SHTN1: variants seen among roughly 807,000 people sequenced by gnomAD.
SHTN1 encodes shootin-1.
Under a neutral mutation model 83.1 loss-of-function variants are expected in SHTN1, and 42 were observed. The ratio of observed to expected loss-of-function variants is 0.51; its 90% confidence interval spans 0.39 to 0.65. The LOEUF is 0.65. SHTN1 is among the 30% of genes least tolerant of loss of function. The probability of loss-of-function intolerance (pLI) is 0.00; values close to 1 mark genes in which losing one functional copy is unlikely to be tolerated. For missense variants in SHTN1, 622 were observed against 737.8 expected, an observed-to-expected ratio of 0.84 and a Z score of 1.82; for synonymous variants, 224 against 247.7, an observed-to-expected ratio of 0.90 and a Z score of 0.90.
chr10:116,972,899 T>C (rs1850668375), intron 2 of SHTN1, among the ~76,000 whole-genome samples: 1 of 152,214 alleles, frequency 6.6e-6, no homozygotes, highest in African/African-American at 2.4e-5. Flanking sequence ...TTGCTGGTTT[T>C]GAAAGCCCTT....
At chr10:116,967,680 G>A (rs575804487) in intron 3 of SHTN1, among the ~76,000 whole-genome samples, 1 of 152,218 alleles carries the variant, frequency 6.6e-6, no homozygotes, top group Admixed American at 6.5e-5. Flanking sequence ...ATTAGCTATA[G>A]GCACAATGCT....
chr10:117,029,315 G>A (rs1234902587), intron 2 of SHTN1, among the ~76,000 whole-genome samples: 1 of 152,170 alleles, frequency 6.6e-6, no homozygotes, highest in Non-Finnish European at 1.5e-5. Flanking sequence ...TGATTTTACA[G>A]GCTTATATGG....
At chr10:117,010,200 G>T (rs985237507), upstream of SHTN1, among the ~76,000 whole-genome samples, 2 of 148,526 alleles carry the variant, frequency 1.3e-5, no homozygotes, top group South Asian at 2.2e-4. Flanking sequence ...AGAAAAAAAA[G>T]AAATATGAAA....
rs1235514750 is a variant in SHTN1 at position 116,885,095 on chromosome 10, C to T, written c.*1249G>A. On this transcript the variant is annotated 3_prime_UTR_variant, in exon 17 of 17. Coordinates refer to ENST00000355371, the MANE Select transcript of SHTN1 (RefSeq NM_001127211.3). ...ACATGTACCTGCCTACCCACCTCTT[C>T]AAGCCTATGCTTACCACACGTGCAA... is the stretch of plus-strand genomic sequence containing the variant. The T allele has an allele frequency of 1.3e-5, 2 of 152,642 alleles. No individual in the cohort carries two copies. The highest frequency in any genetic ancestry group is 3.8e-4 in the East Asian group (2 of 5,196). The allele number at this position is 152,642 out of a possible 1,614,324, so 9.5% of individuals were successfully genotyped here.
chr10:117,109,865 A>G (rs1295710190), intron 1 of SHTN1, among the ~76,000 whole-genome samples: 1 of 152,106 alleles, frequency 6.6e-6, no homozygotes, highest in Non-Finnish European at 1.5e-5. Flanking sequence ...AAAACACAAA[A>G]ATAAACACAA....
At chr10:116,986,250 C>T (rs1460238083) in intron 1 of SHTN1, among the ~76,000 whole-genome samples, 1 of 152,176 alleles carries the variant, frequency 6.6e-6, no homozygotes, top group Non-Finnish European at 1.5e-5. Context: ...ATCAACAACT[C>T]TTCCTAAGAT....
chr10:116,921,434 T>C lies in SHTN1; in HGVS notation c.1195A>G (p.Thr399Ala). Residue 399 changes from threonine to alanine, a missense_variant and splice_region_variant, in exon 12 of 17, where the codon ACT becomes GCT. Coordinates refer to ENST00000355371, the MANE Select transcript of SHTN1 (RefSeq NM_001127211.3). ...TTACACCAATAGAAGTGATGCTTAC[T>C]TGTTTCTGGTTGAGTTGCCTTTTCT... ...KKEKATQPETTEEVTDLKRQA... is the reference protein window; with the variant it reads ...KKEKATQPETAEEVTDLKRQA... The C allele has an allele frequency of 6.2e-7, 1 of 1,611,412 alleles. No individual in the cohort carries two copies. Among genetic ancestry groups the C allele is most frequent in the Non-Finnish European group, 8.5e-7 (1 of 1,177,850 alleles).
intron 1 of SHTN1, among the ~76,000 whole-genome samples, chr10:117,114,828 C>T (rs1487135657): frequency 2.0e-5 from 3 of 152,184 alleles, no homozygotes; most frequent in Non-Finnish European, 4.4e-5. Context: ...TAAAGGAGAT[C>T]TGGTTCTGCA....
chr10:117,120,941 C>A (rs1280988063), intron 1 of SHTN1, among the ~76,000 whole-genome samples: 2 of 151,964 alleles, frequency 1.3e-5, no homozygotes, highest in East Asian at 3.9e-4. Flanking sequence ...TCCCTAGTAG[C>A]TGGGATTACA....
At chr10:116,997,659 A>G (rs1851671215) in intron 1 of SHTN1, among the ~76,000 whole-genome samples, 1 of 152,150 alleles carries the variant, frequency 6.6e-6, no homozygotes, top group Non-Finnish European at 1.5e-5. Context: ...CTATCATGCT[A>G]TCATCATTGT....
At chr10:116,937,406 C>A (rs1030366663) in intron 9 of SHTN1, among the ~76,000 whole-genome samples, 1 of 152,124 alleles carries the variant, frequency 6.6e-6, no homozygotes, top group Non-Finnish European at 1.5e-5. Context: ...GATTTTATTT[C>A]TCCTTCGCTT....
At chr10:116,929,459 ACAGT>A (rs1178622258) in intron 10 of SHTN1, among the ~76,000 whole-genome samples, 2 of 152,220 alleles carry the variant, frequency 1.3e-5, no homozygotes, top group South Asian at 2.1e-4. Context: ...AAAGATGAAG[ACAGT>A]ATTTTTAAAA....
Position 116,927,760 on chromosome 10 carries a change from T to C in SHTN1, c.1112+32A>G, listed in dbSNP as rs1375134289. Reference sequence around the variant, plus strand: ...GCACAATCTGATGGAGAAGAACATTTGATGCAGAGCAGTCTTCCTGGATGT... The same window carrying C: ...GCACAATCTGATGGAGAAGAACATTCGATGCAGAGCAGTCTTCCTGGATGT... On this transcript the variant is annotated intron_variant, in intron 11 of 16. Transcript: ENST00000355371. The C allele has an allele frequency of 6.7e-6, 10 of 1,484,546 alleles. No individual in the cohort carries two copies. The South Asian group carries it at 1.1e-4, about 17-fold the overall frequency. The allele number at this position is 1,484,546 out of a possible 1,614,324, so 92.0% of individuals were successfully genotyped here.
intron 15 of SHTN1, among the ~76,000 whole-genome samples, chr10:116,903,004 A>G (rs1034577619): frequency 2.0e-5 from 3 of 152,222 alleles, no homozygotes; most frequent in Admixed American, 2.0e-4. Context: ...ATAGCGTAAC[A>G]TATCAACTCT....
At chr10:117,045,469 T>C (rs1852647522) in intron 2 of SHTN1, among the ~76,000 whole-genome samples, 1 of 152,134 alleles carries the variant, frequency 6.6e-6, no homozygotes, top group Non-Finnish European at 1.5e-5. Flanking sequence ...TTCAGGGACC[T>C]ACTAATACAA....
rs1439757368 is a variant in SHTN1 at position 116,885,532 on chromosome 10, T to C, written c.*812A>G. 1.3e-5 allele frequency: 2 copies of C among 152,622 alleles called. No individual in the cohort carries two copies. Among genetic ancestry groups the C allele is most frequent in the African/African-American group, 2.4e-5 (1 of 41,454 alleles). 9.5% of individuals were successfully genotyped at this position (152,622 alleles called of 1,614,324 possible). A position where few individuals can be genotyped will look rare whatever the true frequency, so the allele number is the denominator to read the frequency against. Reference sequence around the variant, plus strand: ...GTGTGCTTGTCACTTATCTTCACCATACTGTACATAAGAACTCTGATAAAA... The same window carrying C: ...GTGTGCTTGTCACTTATCTTCACCACACTGTACATAAGAACTCTGATAAAA... On this transcript the variant is annotated 3_prime_UTR_variant, in exon 17 of 17. Coordinates refer to ENST00000355371, the MANE Select transcript of SHTN1 (RefSeq NM_001127211.3).
chr10:116,964,558 ATTC>A (rs1343606820), intron 3 of SHTN1, among the ~76,000 whole-genome samples: 73 of 152,364 alleles, frequency 4.8e-4, no homozygotes, highest in East Asian at 1.9e-4. Context: ...CATATCACAA[ATTC>A]TTCTTCAACA....
In SHTN1 at chr10:116,951,995, G is replaced by T; in HGVS notation, c.448C>A (p.Gln150Lys). Reference sequence around the variant, plus strand: ...TTTTCCTCCTGAACAGATACAATTTGATCTCGAAGTTCTGCATTTTTAAAG... The same window carrying T: ...TTTTCCTCCTGAACAGATACAATTTTATCTCGAAGTTCTGCATTTTTAAAG... ...CQKQIKELRD[Q>K]IVSVQEEKKI... Residue 150 changes from glutamine to lysine, a missense_variant, in exon 6 of 17, where the codon CAA (glutamine) becomes AAA (lysine). Gln to Lys is a moderately conservative substitution (Grantham distance 53). Transcript: ENST00000355371. The T allele has an allele frequency of 6.6e-7, 1 of 1,507,008 alleles. No homozygotes were observed. Among genetic ancestry groups the T allele is most frequent in the South Asian group, 1.5e-5 (1 of 67,286 alleles). 93.4% of individuals were successfully genotyped at this position (1,507,008 alleles called of 1,614,324 possible).
intron 12 of SHTN1, among the ~76,000 whole-genome samples, chr10:116,918,663 T>C (rs1194734625): frequency 6.6e-6 from 1 of 152,234 alleles, no homozygotes; most frequent in East Asian, 1.9e-4. Flanking sequence ...TGTTTTTCCA[T>C]GCTAACATTT....
Sources: gnomAD v4.1 joint callset for allele counts (sites outside exome capture counted in the v4.1 genomes callset) on GRCh38, gnomAD v4.1.1 for gene constraint, MANE v1.5 for transcripts, NCBI Gene and HGNC (gene_info 2026-07-23, HGNC 2026-07-21) for gene names.